JMJD1C: variants seen among roughly 807,000 people sequenced by gnomAD.
JMJD1C encodes the protein jumonji domain containing 1C, also known as jumonji domain-containing protein 1C.
JMJD1C carries 31 observed loss-of-function variants against 245.3 expected under a neutral mutation model. That is an observed-to-expected ratio of 0.13 (90% CI 0.09 to 0.17). The LOEUF is 0.17. JMJD1C is among the 10% of genes least tolerant of loss of function. The pLI is 1.00. For missense variants in JMJD1C, 2,691 were observed against 3,000.2 expected, an observed-to-expected ratio of 0.90 and a Z score of 2.41; for synonymous variants, 1,057 against 1,017.4, an observed-to-expected ratio of 1.04 and a Z score of -0.74.
intron 3 of JMJD1C, chr10:63,222,862 A>G (rs1848769704): frequency 1.4e-6 from 2 of 1,453,822 alleles, no homozygotes; most frequent in East Asian, 4.5e-5. Context: ...CTGGATCAAA[A>G]TATATAAAAA....
intron 3 of JMJD1C, among the ~76,000 whole-genome samples, chr10:63,233,403 A>C (rs1166780055): frequency 6.6e-6 from 1 of 152,062 alleles, no homozygotes; most frequent in East Asian, 1.9e-4. Context: ...ATTAGACTTA[A>C]AAAAAAATTT....
intron 10 of JMJD1C, chr10:63,204,622 G>C: frequency 1.0e-6 from 1 of 985,370 alleles, no homozygotes; most frequent in South Asian, 4.7e-5. Context: ...GGTAGTGAGG[G>C]AGAGTAAGGG....
At chr10:63,357,841 AC>A (rs1944989090) in intron 2 of JMJD1C, among the ~76,000 whole-genome samples, 6 of 147,322 alleles carry the variant, frequency 4.1e-5, no homozygotes, top group Non-Finnish European at 8.9e-5. Context: ...ACACACACAC[AC>A]ACACACACAC....
At chr10:63,361,719 T>TCAAAA (rs1945346827) in intron 2 of JMJD1C, among the ~76,000 whole-genome samples, 1 of 95,548 alleles carries the variant, frequency 1.0e-5, no homozygotes, top group Non-Finnish European at 2.0e-5. Flanking sequence ...CTGTCTCAAC[T>TCAAAA]AAAAAAAAAA....
chr10:63,440,746 C>T (rs1416069484), intron 1 of JMJD1C, among the ~76,000 whole-genome samples: 1 of 152,176 alleles, frequency 6.6e-6, no homozygotes, highest in Non-Finnish European at 1.5e-5. Context: ...ACCTTTATTA[C>T]TGTACTGTCT....
At chr10:63,395,739 G>T (rs889748266) in intron 1 of JMJD1C, among the ~76,000 whole-genome samples, 2 of 152,112 alleles carry the variant, frequency 1.3e-5, no homozygotes, top group African/African-American at 2.4e-5. Context: ...AACTGTAGCA[G>T]ATAATATAAT....
At chr10:63,425,606 A>C (rs886296359) in intron 1 of JMJD1C, among the ~76,000 whole-genome samples, 2 of 152,014 alleles carry the variant, frequency 1.3e-5, no homozygotes, top group African/African-American at 4.8e-5. Flanking sequence ...ACATGGCGAG[A>C]TCCCATCTCT....
chr10:63,494,901 C>T (rs1274995453), intron 1 of JMJD1C, among the ~76,000 whole-genome samples: 1 of 152,178 alleles, frequency 6.6e-6, no homozygotes, highest in Non-Finnish European at 1.5e-5. Flanking sequence ...TCACTTTATT[C>T]CTCAAAGCTG....
chr10:63,500,774 T>TGGAA (rs1954528868), intron 1 of JMJD1C, among the ~76,000 whole-genome samples: 1 of 151,366 alleles, frequency 6.6e-6, no homozygotes, highest in African/African-American at 2.4e-5. Context: ...GATGGATGGA[T>TGGAA]GGATGGATGG....
At chr10:63,219,089 T>C (rs185995125) in intron 4 of JMJD1C, among the ~76,000 whole-genome samples, 2 of 152,132 alleles carry the variant, frequency 1.3e-5, no homozygotes, top group Admixed American at 1.3e-4. Flanking sequence ...CACTGAAATA[T>C]TCTGTTTTTG....
chr10:63,223,116 G>T, intron 3 of JMJD1C: 3 of 557,386 alleles, frequency 5.4e-6, no homozygotes, highest in East Asian at 6.2e-5. Context: ...GATAGTTTCA[G>T]TAAAGAAATT....
chr10:63,428,690 A>G (rs184678957), intron 1 of JMJD1C, among the ~76,000 whole-genome samples: 1 of 152,334 alleles, frequency 6.6e-6, no homozygotes, highest in East Asian at 1.9e-4. Flanking sequence ...AATTAAGAAC[A>G]ATGAAAAAAA....
At chr10:63,195,353 CAAAAA>C (rs56809186) in intron 13 of JMJD1C, among the ~76,000 whole-genome samples, 1 of 109,734 alleles carries the variant, frequency 9.1e-6, no homozygotes. Flanking sequence ...GACACCATCT[CAAAAA>C]AAAAAAAAAA....
At chr10:63,509,849 G>C (rs895178107) in intron 1 of JMJD1C, among the ~76,000 whole-genome samples, 12 of 152,128 alleles carry the variant, frequency 7.9e-5, no homozygotes, top group African/African-American at 2.9e-4. Context: ...TAAAGAACCA[G>C]CTTTTGATTT....
intron 3 of JMJD1C, among the ~76,000 whole-genome samples, chr10:63,255,402 A>G (rs1361299373): frequency 1.3e-5 from 2 of 152,254 alleles, no homozygotes; most frequent in East Asian, 3.8e-4. Context: ...ACGTAAGTCA[A>G]ATGAAAACTA....
intron 1 of JMJD1C, among the ~76,000 whole-genome samples, chr10:63,476,888 C>T (rs1219727677): frequency 2.0e-5 from 3 of 151,968 alleles, no homozygotes; most frequent in Admixed American, 6.6e-5. Context: ...AATCTCTAGA[C>T]AAGGAAGAGG....
intron 18 of JMJD1C, among the ~76,000 whole-genome samples, chr10:63,188,268 T>C (rs987886351): frequency 2.6e-5 from 4 of 152,236 alleles, no homozygotes; most frequent in African/African-American, 9.6e-5. Context: ...AGTAATGTCA[T>C]CAGGGCTTGA....
Position 63,424,643 on chromosome 10 carries a change from A to G in JMJD1C, c.168+40852T>C, listed in dbSNP as rs540445284. Reference sequence around the variant, plus strand: ...TACCTCAGCCTCCCAAGTAGCTGGGATTACAGGTGTGAGCCACCATGCTTG... The same window carrying G: ...TACCTCAGCCTCCCAAGTAGCTGGGGTTACAGGTGTGAGCCACCATGCTTG... On this transcript the variant is annotated intron_variant, in intron 1 of 25. Transcript: ENST00000399262. 7.3e-5 allele frequency among the ~76,000 whole-genome samples: 11 copies of G among 151,684 alleles called. No homozygotes were observed. The South Asian group carries it at 1.9e-3, about 26-fold the overall frequency.
At chr10:63,423,768 T>C (rs997148706) in intron 1 of JMJD1C, among the ~76,000 whole-genome samples, 1 of 152,222 alleles carries the variant, frequency 6.6e-6, no homozygotes, top group Non-Finnish European at 1.5e-5. Flanking sequence ...CATCAATGTA[T>C]GAAGGTTCCA....
Sources: gnomAD v4.1 joint callset for allele counts (sites outside exome capture counted in the v4.1 genomes callset) on GRCh38, gnomAD v4.1.1 for gene constraint, MANE v1.5 for transcripts, NCBI Gene and HGNC (gene_info 2026-07-23, HGNC 2026-07-21) for gene names.